BCL9: variants seen among roughly 807,000 people sequenced by gnomAD.
The protein encoded by BCL9 is B-cell CLL/lymphoma 9 protein.
Under a neutral mutation model 88.5 loss-of-function variants are expected in BCL9, and 25 were observed. The observed-to-expected ratio is 0.28, with a 90% CI of 0.21 to 0.39. The LOEUF is 0.39. BCL9 is among the 10% of genes least tolerant of loss of function. BCL9 has a pLI of 1.00. For missense variants in BCL9, 1,817 were observed against 1,877.8 expected, an observed-to-expected ratio of 0.97 and a Z score of 0.60; for synonymous variants, 711 against 673.3, an observed-to-expected ratio of 1.06 and a Z score of -0.87.
chr1:147,589,273 T>C (rs1013170304), intron 1 of BCL9, among the ~76,000 whole-genome samples: 5 of 152,216 alleles, frequency 3.3e-5, no homozygotes, highest in Admixed American at 6.5e-5. Flanking sequence ...CAGTCACCCA[T>C]AATTCTAAAA....
chr1:147,584,688 G>A (rs1553198965), intron 1 of BCL9, among the ~76,000 whole-genome samples: 1 of 152,148 alleles, frequency 6.6e-6, no homozygotes, highest in Non-Finnish European at 1.5e-5. Flanking sequence ...TCTTGTGTGC[G>A]CCTCCCAGGT....
chr1:147,606,404 C>T (rs1657714073), intron 2 of BCL9, among the ~76,000 whole-genome samples: 1 of 152,174 alleles, frequency 6.6e-6, no homozygotes, highest in Admixed American at 6.5e-5. Context: ...CTCTTCTCAC[C>T]TTTACAGTCA....
intron 1 of BCL9, among the ~76,000 whole-genome samples, chr1:147,593,921 T>A (rs1656943864): frequency 6.6e-6 from 1 of 152,196 alleles, no homozygotes; most frequent in Non-Finnish European, 1.5e-5. Flanking sequence ...TATAAAAACA[T>A]CTACCACTAA....
chr1:147,609,606 C>T (rs984850532), intron 3 of BCL9, among the ~76,000 whole-genome samples: 1 of 152,156 alleles, frequency 6.6e-6, no homozygotes, highest in Non-Finnish European at 1.5e-5. Flanking sequence ...AGAAGTACTT[C>T]GAAAATAAAA....
In BCL9 at chr1:147,619,366, G is replaced by A; in HGVS notation, c.1211G>A (p.Gly404Glu). 6 of 1,614,026 alleles carry A rather than the reference G, an allele frequency of 3.7e-6. No individual in the cohort carries two copies. The highest frequency in any genetic ancestry group is 5.1e-6 in the Non-Finnish European group (6 of 1,180,020). The change falls in exon 8 of 10, where the codon GGG becomes GAG. Residue 404 changes from glycine to glutamate, a missense_variant. This residue lies in a region of BCL9 where 1,228 missense variants were observed against 1,191.6 expected (regional missense o/e 1.03). Transcript: ENST00000234739. The surrounding 1 kb of genome is among the most constrained non-coding windows in gnomAD (Gnocchi z 4.1). ...VLDGPQKKPE[G>E]PIQAMMAQSQ... ...GATGGGCCTCAGAAAAAACCAGAAGGGCCAATACAGGCCATGATGGCCCAA... is the reference window on the plus strand; with the variant it reads ...GATGGGCCTCAGAAAAAACCAGAAGAGCCAATACAGGCCATGATGGCCCAA...
At chr1:147,607,176 T>A (rs1657756891) in intron 3 of BCL9, among the ~76,000 whole-genome samples, 2 of 152,232 alleles carry the variant, frequency 1.3e-5, no homozygotes, top group African/African-American at 4.8e-5. Flanking sequence ...TCCTTCTTTT[T>A]AAAGGCCGAA....
intron 1 of BCL9, among the ~76,000 whole-genome samples, chr1:147,587,854 G>C (rs1212968470): frequency 6.6e-6 from 1 of 151,814 alleles, no homozygotes; most frequent in African/African-American, 2.4e-5. Flanking sequence ...CAACTTTTCT[G>C]TGTCATGGGC....
intron 3 of BCL9, among the ~76,000 whole-genome samples, chr1:147,607,729 G>A (rs999236699): frequency 2.0e-5 from 3 of 152,142 alleles, no homozygotes; most frequent in Non-Finnish European, 4.4e-5. Flanking sequence ...ATGAGCAACT[G>A]GGTGGATAAA....
chr1:147,550,564 A>G (rs1015182932), intron 1 of BCL9, among the ~76,000 whole-genome samples: 1 of 152,196 alleles, frequency 6.6e-6, no homozygotes, highest in African/African-American at 2.4e-5. Flanking sequence ...AGTGAGAGTG[A>G]GAATATATTG....
chr1:147,569,376 C>G (rs1307669900), intron 1 of BCL9, among the ~76,000 whole-genome samples: 2 of 151,440 alleles, frequency 1.3e-5, no homozygotes, highest in Non-Finnish European at 2.9e-5. Flanking sequence ...CGCCTGTAAT[C>G]CCGGTACTTT....
intron 5 of BCL9, 68 bp downstream of exon 5, chr1:147,613,267 G>T (rs35669952): frequency 6.5e-7 from 1 of 1,540,242 alleles, no homozygotes; most frequent in South Asian, 1.1e-5. Context: ...TCTGACATTC[G>T]ACAGAGGCCA....
intron 1 of BCL9, among the ~76,000 whole-genome samples, chr1:147,582,912 C>T (rs919868601): frequency 3.9e-5 from 6 of 152,112 alleles, no homozygotes; most frequent in Non-Finnish European, 7.4e-5. Flanking sequence ...TTCATTTGAC[C>T]ACACACATAC....
intron 1 of BCL9, among the ~76,000 whole-genome samples, chr1:147,560,166 T>C (rs1269701188): frequency 6.6e-6 from 1 of 152,204 alleles, no homozygotes; most frequent in Non-Finnish European, 1.5e-5. Context: ...GTGTGTGGGA[T>C]AGACGAAATT....
intron 1 of BCL9, among the ~76,000 whole-genome samples, chr1:147,592,435 C>G (rs1311751428): frequency 6.6e-6 from 1 of 152,168 alleles, no homozygotes; most frequent in Non-Finnish European, 1.5e-5. Context: ...TTTCTTTCTT[C>G]CCCTCAATAT....
chr1:147,622,632 C>G, intron 9 of BCL9, 101 bp downstream of exon 9: 1 of 1,423,670 alleles, frequency 7.0e-7, no homozygotes, highest in Non-Finnish European at 9.5e-7. Flanking sequence ...GGTGGAAGTT[C>G]AACAAGTAGA....
chr1:147,562,912 G>A (rs1553196285), intron 1 of BCL9, among the ~76,000 whole-genome samples: 1 of 152,154 alleles, frequency 6.6e-6, no homozygotes, highest in African/African-American at 2.4e-5. Context: ...AGCCCTACAG[G>A]ATCTGGTCCC....
chr1:147,613,010 C>T lies in BCL9; in HGVS notation c.181C>T (p.Pro61Ser). ...GGGGGGCTCAGCCAGCCAATCCCAG[C>T]CATCCCCCTGTGACTCCAAGAGTGG... ...KQGGSASQSQ[P>S]SPCDSKSGGH... The change falls in exon 5 of 10, where the codon CCA (proline) becomes TCA (serine). Residue 61 changes from proline (P) to serine (S), a missense_variant. Physicochemically the swap from Pro to Ser is moderately conservative, Grantham distance 74. Transcript: ENST00000234739. 6.2e-7 allele frequency: 1 copy of T among 1,603,600 alleles called. No individual in the cohort carries two copies. Among genetic ancestry groups the T allele is most frequent in the Non-Finnish European group, 8.5e-7 (1 of 1,175,046 alleles).
At chr1:147,577,030 C>A (rs982158028) in intron 1 of BCL9, among the ~76,000 whole-genome samples, 4 of 152,122 alleles carry the variant, frequency 2.6e-5, no homozygotes, top group Non-Finnish European at 5.9e-5. Context: ...ATTCACAAAG[C>A]TTCCTGCAGT....
At chr1:147,545,074 TA>T (rs1654494287) in intron 1 of BCL9, among the ~76,000 whole-genome samples, 3 of 152,288 alleles carry the variant, frequency 2.0e-5, no homozygotes, top group Non-Finnish European at 2.9e-5. Flanking sequence ...CACCCACACA[TA>T]AATCATAGGT....
Sources: gnomAD v4.1 joint callset for allele counts (sites outside exome capture counted in the v4.1 genomes callset) on GRCh38, gnomAD v4.1.1 for gene constraint, gnomAD v4.1.1 regional missense constraint, Gnocchi (gnomAD v3.1) non-coding constraint, MANE v1.5 for transcripts, NCBI Gene and HGNC (gene_info 2026-07-23, HGNC 2026-07-21) for gene names.